SP3: variants seen among roughly 807,000 people sequenced by gnomAD.
The protein encoded by SP3 is Sp3 transcription factor.
In SP3, 10 loss-of-function variants were observed where a neutral mutation model predicts 70.3. The ratio of observed to expected loss-of-function variants is 0.14; its 90% confidence interval spans 0.09 to 0.24. SP3 has a LOEUF of 0.24. SP3 is among the 10% of genes least tolerant of loss of function. The pLI is 1.00. For synonymous variants in SP3, 402 were observed against 333.5 expected (o/e 1.21, Z -2.24); for missense variants, 825 against 914.6 (o/e 0.90, Z 1.26).
At chr2:173,931,435 C>G (rs1433143021) in intron 4 of SP3, among the ~76,000 whole-genome samples, 2 of 152,146 alleles carry the variant, frequency 1.3e-5, no homozygotes, top group African/African-American at 4.8e-5. Flanking sequence ...CCTCCACCTC[C>G]CGGGTTCAAG....
chr2:173,964,602 G>A (rs1353572362), intron 1 of SP3, 49 bp from the exon 2 acceptor site: 1 of 649,320 alleles, frequency 1.5e-6, no homozygotes, highest in Non-Finnish European at 2.9e-6. Flanking sequence ...GGCGGGTGGC[G>A]GAGAGGGAGG....
intron 4 of SP3, among the ~76,000 whole-genome samples, chr2:173,925,889 T>TA (rs1380313439): frequency 1.3e-5 from 2 of 152,288 alleles, no homozygotes; most frequent in African/African-American, 2.4e-5. Flanking sequence ...CACAAAAAGA[T>TA]AAAGTTCTCA....
Position 173,903,178 on chromosome 2 carries a change from A to T in SP3, c.*6763T>A, listed in dbSNP as rs931252544. On this transcript the variant is annotated 3_prime_UTR_variant, in exon 7 of 7. Coordinates refer to ENST00000310015, the MANE Select transcript of SP3 (RefSeq NM_003111.5). ...ATTTTCAAGTGTAGGAAGACTACTG[A>T]TTCTTCCAGTGCTTACATTTACTAA... is the stretch of plus-strand genomic sequence containing the variant. Among the ~76,000 whole-genome samples, 1 of 152,262 alleles carries T rather than the reference A, an allele frequency of 6.6e-6. No individual in the cohort carries two copies. The highest frequency in any genetic ancestry group is 1.5e-5 in the Non-Finnish European group (1 of 68,048).
chr2:173,955,498 C>A lies in SP3; in HGVS notation c.1014G>T (p.Gln338His), dbSNP rs151258826. 1 of 1,614,060 alleles carries A rather than the reference C, an allele frequency of 6.2e-7. No homozygotes were observed. Among genetic ancestry groups the A allele is most frequent in the Non-Finnish European group, 8.5e-7 (1 of 1,180,024 alleles). The change falls in exon 4 of 7, where the codon CAG (glutamine) becomes CAT (histidine). Residue 338 changes from glutamine (Q) to histidine (H), a missense_variant. Gln to His is a conservative substitution (Grantham distance 24). Around this residue, in one of 4 missense-constraint regions of SP3, gnomAD observed 678 missense variants for 651.6 expected, o/e 1.04. Transcript: ENST00000310015. The part of the protein sequence containing the change: ...DLFVPTSSSS[Q>H]LPVTIDSTGI... ...CTGTACTATCTATCGTAACAGGCAACTGTGATGAAGAGGATGTTGGCACAA... is the reference window on the plus strand; with the variant it reads ...CTGTACTATCTATCGTAACAGGCAAATGTGATGAAGAGGATGTTGGCACAA...
intron 3 of SP3, among the ~76,000 whole-genome samples, chr2:173,956,630 T>G (rs996380277): frequency 2.0e-5 from 3 of 152,222 alleles, no homozygotes; most frequent in African/African-American, 4.8e-5. Flanking sequence ...TCATCCGACT[T>G]AGAAAAGATT....
At chr2:173,941,821 T>C (rs928839292) in intron 4 of SP3, among the ~76,000 whole-genome samples, 1 of 152,228 alleles carries the variant, frequency 6.6e-6, no homozygotes, top group Non-Finnish European at 1.5e-5. Context: ...AATTTCTATT[T>C]GGTTATTTTA....
intron 4 of SP3, among the ~76,000 whole-genome samples, chr2:173,946,138 T>A (rs1311310190): frequency 6.6e-6 from 1 of 151,530 alleles, no homozygotes. Context: ...AAAATAATAA[T>A]AAATTGATTA....
At chr2:173,919,144 C>G (rs938026374) in intron 4 of SP3, among the ~76,000 whole-genome samples, 1 of 152,264 alleles carries the variant, frequency 6.6e-6, no homozygotes, top group South Asian at 2.1e-4. Flanking sequence ...GAAAAACTTT[C>G]TCCTCTACTT....
intron 4 of SP3, 94 bp downstream of exon 4, chr2:173,954,779 G>GTTT: frequency 9.4e-7 from 1 of 1,058,484 alleles, no homozygotes; most frequent in Non-Finnish European, 1.4e-6. Flanking sequence ...TAATTCTAAT[G>GTTT]TGAGTCTGAT....
At chr2:173,963,250 C>T (rs1308942023) in intron 3 of SP3, 1 of 152,128 alleles carries the variant, frequency 6.6e-6, no homozygotes, top group African/African-American at 2.4e-5. Flanking sequence ...ACTAAAAAAG[C>T]AGTCTTCACT....
intron 4 of SP3, among the ~76,000 whole-genome samples, chr2:173,919,316 G>T (rs76657248): frequency 1.6e-3 from 242 of 152,246 alleles, no homozygotes; most frequent in Admixed American, 2.5e-3. Flanking sequence ...ACACATCTGG[G>T]TATACTTTCA....
chr2:173,901,199 A>C lies in SP3; in HGVS notation c.*8742T>G, dbSNP rs1689183571. ...AATTTCAAAGTGAATTAACAAGATAAATAGAAAGGCAAAATCATAAAATTT... is the reference window on the plus strand; with the variant it reads ...AATTTCAAAGTGAATTAACAAGATACATAGAAAGGCAAAATCATAAAATTT... On this transcript the variant is annotated 3_prime_UTR_variant, in exon 7 of 7. Transcript: ENST00000310015. 6.7e-6 allele frequency among the ~76,000 whole-genome samples: 1 copy of C among 148,436 alleles called. No individual in the cohort carries two copies. The highest frequency in any genetic ancestry group is 2.5e-5 in the African/African-American group (1 of 40,370).
intron 4 of SP3, among the ~76,000 whole-genome samples, chr2:173,942,276 C>T (rs1432577670): frequency 6.6e-6 from 1 of 152,126 alleles, no homozygotes; most frequent in Non-Finnish European, 1.5e-5. Flanking sequence ...AAGTTGGGGC[C>T]GGGAGCAGTG....
intron 4 of SP3, among the ~76,000 whole-genome samples, chr2:173,929,602 A>C (rs1690012159): frequency 6.6e-6 from 1 of 152,234 alleles, no homozygotes; most frequent in African/African-American, 2.4e-5. Context: ...GGCTGAACAG[A>C]TTGTGCAAGG....
At chr2:173,960,215 G>A (rs548541204) in intron 3 of SP3, among the ~76,000 whole-genome samples, 4 of 152,254 alleles carry the variant, frequency 2.6e-5, no homozygotes, top group African/African-American at 7.2e-5. Context: ...CATTAGTACA[G>A]TAAAAAGTTG....
intron 4 of SP3, among the ~76,000 whole-genome samples, chr2:173,945,952 C>A (rs1247250628): frequency 1.3e-5 from 2 of 152,000 alleles, no homozygotes; most frequent in Non-Finnish European, 2.9e-5. Context: ...GTGGTGAAAT[C>A]CCATCTCTAC....
At chr2:173,960,822 A>C (rs1691047740) in intron 3 of SP3, among the ~76,000 whole-genome samples, 1 of 151,844 alleles carries the variant, frequency 6.6e-6, no homozygotes, top group South Asian at 2.1e-4. Context: ...TACAAAAAAA[A>C]AAAATTAGCC....
At chr2:173,960,507 T>C (rs1279597497) in intron 3 of SP3, among the ~76,000 whole-genome samples, 1 of 152,222 alleles carries the variant, frequency 6.6e-6, no homozygotes, top group African/African-American at 2.4e-5. Flanking sequence ...AGAATTACCC[T>C]ACCCAATGAA....
At chr2:173,916,078 C>G (rs1689612836) in intron 5 of SP3, 1 of 152,038 alleles carries the variant, frequency 6.6e-6, no homozygotes, top group Admixed American at 6.6e-5. Context: ...TGTTATGCTT[C>G]TATCAATTAG....
Sources: allele counts gnomAD v4.1 joint callset (sites outside exome capture counted in the v4.1 genomes callset), GRCh38; gene constraint gnomAD v4.1.1; regional missense constraint gnomAD v4.1.1; transcripts MANE v1.5; gene names NCBI Gene and HGNC (gene_info 2026-07-23, HGNC 2026-07-21).